Variants in GABPB2 observed in about 807,000 individuals in gnomAD.
GABPB2 encodes the protein GA binding protein transcription factor subunit beta 2, also known as GA-binding protein subunit beta-2.
In GABPB2, 23 loss-of-function variants were observed where a neutral mutation model predicts 39.1. The observed-to-expected ratio is 0.59, with a 90% confidence interval of 0.42 to 0.83. The LOEUF is 0.83. Ranked by LOEUF, GABPB2 falls within the 40% of genes least tolerant of loss-of-function variation. The probability of loss-of-function intolerance (pLI) is 0.00; values close to 1 mark genes in which losing one functional copy is unlikely to be tolerated. For synonymous variants in GABPB2, 184 were observed against 199.3 expected (o/e 0.92, Z 0.65); for missense variants, 467 against 541.1 (o/e 0.86, Z 1.36).
rs587717889 is a variant in GABPB2, at chr1:151,084,372, G to T, written c.1-3818G>T. On this transcript the variant is annotated intron_variant, in intron 1 of 8. Transcript: ENST00000368918. The stretch of plus-strand genomic sequence containing the variant: ...TGAGTAGCTGGGATTACAGGCATGC[G>T]CCACCATGCCCGGCTAATTTTTTTT... Among the ~76,000 whole-genome samples the T allele has an allele frequency of 1.6e-4, 24 of 151,386 alleles. No individual in the cohort carries two copies. In the East Asian group the frequency reaches 4.7e-3, roughly 30 times the overall value.
intron 7 of GABPB2, among the ~76,000 whole-genome samples, chr1:151,109,948 C>T (rs1228543491): frequency 6.7e-6 from 1 of 150,252 alleles, no homozygotes; most frequent in Non-Finnish European, 1.5e-5. Context: ...AAGTGATTCT[C>T]CTGCCTCAGC....
At chr1:151,077,331 G>C (rs1479472700) in intron 1 of GABPB2, among the ~76,000 whole-genome samples, 1 of 151,188 alleles carries the variant, frequency 6.6e-6, no homozygotes, top group Admixed American at 6.6e-5. Context: ...GACCTCAGGA[G>C]GGGAGGAATT....
chr1:151,084,085 G>T (rs1464318828), intron 1 of GABPB2, among the ~76,000 whole-genome samples: 1 of 150,676 alleles, frequency 6.6e-6, no homozygotes, highest in Non-Finnish European at 1.5e-5. Flanking sequence ...TTTTTTTAAT[G>T]TGGAAATGGG....
intron 1 of GABPB2, among the ~76,000 whole-genome samples, chr1:151,086,178 A>G (rs1170214820): frequency 4.6e-5 from 7 of 152,114 alleles, no homozygotes; most frequent in Non-Finnish European, 1.5e-5. Flanking sequence ...CCAGGAGGTC[A>G]GGACTGCAGT....
chr1:151,110,951 A>G (rs372424022), intron 7 of GABPB2, among the ~76,000 whole-genome samples: 108 of 152,294 alleles, frequency 7.1e-4, no homozygotes, highest in African/African-American at 2.4e-3. Context: ...GCCAAACCCA[A>G]TGATTATGTA....
At chr1:151,092,219 G>T (rs896134430) in intron 3 of GABPB2, among the ~76,000 whole-genome samples, 2 of 144,282 alleles carry the variant, frequency 1.4e-5, no homozygotes, top group Non-Finnish European at 3.0e-5. Context: ...CGATTCTCCT[G>T]CCTCAGCCTC....
At chr1:151,094,761 C>T (rs1678983220) in intron 4 of GABPB2, among the ~76,000 whole-genome samples, 1 of 150,092 alleles carries the variant, frequency 6.7e-6, no homozygotes. Context: ...AATCCCAACA[C>T]TTTGGGAGGC....
chr1:151,100,143 C>CTTT (rs587754459), intron 5 of GABPB2, among the ~76,000 whole-genome samples: 9 of 138,848 alleles, frequency 6.5e-5, no homozygotes, highest in Admixed American at 7.2e-5. Context: ...ATTAAAACAA[C>CTTT]TTTTTTTTTT....
At chr1:151,081,079 T>C (rs1490778984) in intron 1 of GABPB2, among the ~76,000 whole-genome samples, 1 of 150,810 alleles carries the variant, frequency 6.6e-6, no homozygotes, top group African/African-American at 2.4e-5. Context: ...TTCACCATGT[T>C]AGCCAGGATG....
rs765611292 is a variant in GABPB2, at chr1:151,097,963, G to T, written c.583G>T (p.Ala195Ser). 5.0e-6 allele frequency: 8 copies of T among 1,613,846 alleles called. No individual in the cohort carries two copies. The highest frequency in any genetic ancestry group is 5.1e-6 in the Non-Finnish European group (6 of 1,179,880). ...IFTSGEVVNL[A>S]SLISSTNTKT... Reference sequence around the variant, plus strand: ...CACGTCGGGTGAGGTTGTTAACCTCGCAAGCCTTATTTCTTCAACCAACAC... The same window carrying T: ...CACGTCGGGTGAGGTTGTTAACCTCTCAAGCCTTATTTCTTCAACCAACAC... The change falls in exon 5 of 9, where the codon GCA (alanine) becomes TCA (serine). Residue 195 changes from alanine (A) to serine (S), a missense_variant. Transcript: ENST00000368918.
Position 151,090,413 on chromosome 1 carries a change from C to A in GABPB2, c.116C>A (p.Thr39Lys). The part of the protein sequence containing the change: ...GAPFTTDWLG[T>K]SPLHLAAQYG... ...AGCATTATTTTTCCACAGCTTGGAA[C>A]ATCACCCCTCCACCTTGCAGCTCAA... The change falls in exon 3 of 9, where the codon ACA (threonine) becomes AAA (lysine). Residue 39 changes from threonine to lysine, a missense_variant. Physicochemically the swap from Thr to Lys is moderately conservative, Grantham distance 78. Transcript: ENST00000368918. The A allele has an allele frequency of 6.2e-7, 1 of 1,613,896 alleles. No homozygotes were observed. Among genetic ancestry groups the A allele is most frequent in the Non-Finnish European group, 8.5e-7 (1 of 1,179,864 alleles).
chr1:151,071,710 G>C (rs1676739744), intron 1 of GABPB2, among the ~76,000 whole-genome samples: 2 of 152,060 alleles, frequency 1.3e-5, no homozygotes, highest in Non-Finnish European at 2.9e-5. Context: ...GACCTTAGGG[G>C]ATCCCCCCGC....
chr1:151,107,597 G>A (rs906333309), intron 7 of GABPB2, among the ~76,000 whole-genome samples: 3 of 151,798 alleles, frequency 2.0e-5, no homozygotes, highest in Non-Finnish European at 4.4e-5. Flanking sequence ...CGCCTCCTGG[G>A]TTCACGCACC....
chr1:151,070,890 G>C lies in GABPB2; in HGVS notation c.-45G>C, dbSNP rs1176346440. 2 of 152,254 alleles carry C rather than the reference G, an allele frequency of 1.3e-5. No individual in the cohort carries two copies. Among genetic ancestry groups the C allele is most frequent in the African/African-American group, 4.8e-5 (2 of 41,460 alleles). 9.4% of individuals were successfully genotyped at this position (152,254 alleles called of 1,614,324 possible). On this transcript the variant is annotated 5_prime_UTR_variant, in exon 1 of 9. Coordinates refer to ENST00000368918, the MANE Select transcript of GABPB2 (RefSeq NM_144618.3). ...CTAGAGAAGGAAACGGGACTAAACT[G>C]GCGGGCTCCGTGGAAGCGTGGCCGG... is the stretch of plus-strand genomic sequence containing the variant.
At chr1:151,080,059 A>G (rs1287897687) in intron 1 of GABPB2, among the ~76,000 whole-genome samples, 1 of 151,604 alleles carries the variant, frequency 6.6e-6, no homozygotes. Flanking sequence ...TACTAAAAAT[A>G]CAAAAATTAG....
chr1:151,088,482 A>T, intron 2 of GABPB2, 185 bp downstream of exon 2: 1 of 1,338,046 alleles, frequency 7.5e-7, no homozygotes, highest in Non-Finnish European at 1.0e-6. Context: ...TTCCAAATTG[A>T]GAGTCTCCTG....
intron 7 of GABPB2, among the ~76,000 whole-genome samples, chr1:151,111,672 A>G (rs1353420820): frequency 6.7e-6 from 1 of 149,656 alleles, no homozygotes; most frequent in African/African-American, 2.5e-5. Context: ...TCGGCCTCCC[A>G]AAGTGCTGGG....
At chr1:151,088,447 A>G (rs1399291571) in intron 2 of GABPB2, 150 bp downstream of exon 2, 4 of 1,367,584 alleles carry the variant, frequency 2.9e-6, no homozygotes, top group Non-Finnish European at 4.0e-6. Context: ...TCATCTGAAT[A>G]TGTGGTTTTC....
chr1:151,115,680 G>A (rs1680810451), intron 7 of GABPB2, among the ~76,000 whole-genome samples: 1 of 152,112 alleles, frequency 6.6e-6, no homozygotes, highest in Non-Finnish European at 1.5e-5. Flanking sequence ...GGATTACAGG[G>A]CATGAGCCAC....
Sources: gnomAD v4.1 joint callset for allele counts (sites outside exome capture counted in the v4.1 genomes callset) on GRCh38, gnomAD v4.1.1 for gene constraint, MANE v1.5 for transcripts, NCBI Gene and HGNC (gene_info 2026-07-23, HGNC 2026-07-21) for gene names.